Variants in RALGAPA2 observed in about 807,000 individuals in gnomAD.
RALGAPA2 encodes ral GTPase-activating protein subunit alpha-2.
Under a neutral mutation model 230.4 loss-of-function variants are expected in RALGAPA2, and 139 were observed. The observed-to-expected ratio is 0.60, with a 90% CI of 0.53 to 0.69. The LOEUF is 0.69. RALGAPA2 is among the 30% of genes least tolerant of loss of function. The pLI is 0.00. For missense variants in RALGAPA2, 2,163 were observed against 2,276.0 expected, an observed-to-expected ratio of 0.95 and a Z score of 1.01; for synonymous variants, 847 against 837.8, an observed-to-expected ratio of 1.01 and a Z score of -0.19.
intron 3 of RALGAPA2, chr20:20,659,813 A>T: frequency 1.2e-6 from 1 of 844,346 alleles, no homozygotes; most frequent in Admixed American, 1.9e-5. Flanking sequence ...ACAGAACAAG[A>T]CAAGAATCAG....
intron 1 of RALGAPA2, among the ~76,000 whole-genome samples, chr20:20,691,862 A>C (rs1218258993): frequency 6.6e-6 from 1 of 152,120 alleles, no homozygotes; most frequent in Non-Finnish European, 1.5e-5. Context: ...CCAGTATTGG[A>C]GGTGGGGCCT....
intron 36 of RALGAPA2, among the ~76,000 whole-genome samples, chr20:20,484,621 T>G (rs2061861343): frequency 6.6e-6 from 1 of 152,232 alleles, no homozygotes. Flanking sequence ...TAATTGGGCC[T>G]GTAAGTGATT....
chr20:20,538,683 G>A (rs180764013), intron 24 of RALGAPA2, among the ~76,000 whole-genome samples: 9 of 152,250 alleles, frequency 5.9e-5, no homozygotes, highest in African/African-American at 2.2e-4. Context: ...AAGACTTTTT[G>A]AAATGCTTGT....
intron 3 of RALGAPA2, among the ~76,000 whole-genome samples, chr20:20,660,479 T>C (rs543267587): frequency 9.2e-5 from 14 of 152,266 alleles, no homozygotes; most frequent in African/African-American, 2.9e-4. Flanking sequence ...AATATGAGAA[T>C]TGCAGAGTTG....
At position 20,392,390 on chromosome 20, in the gene RALGAPA2, A is replaced by G. The variant is rs2122576273; in HGVS notation, c.*899T>C. ...TGCAGCGTGAGGCTTTTGGAGGCAC[A>G]AGGCCATTCGGGGGGTACCCGTCTC... On this transcript the variant is annotated 3_prime_UTR_variant, in exon 40 of 40. Transcript: ENST00000202677. 1.3e-5 allele frequency: 2 copies of G among 152,390 alleles called. No homozygotes were observed. The highest frequency in any genetic ancestry group is 4.1e-4 in the South Asian group (2 of 4,826). 9.4% of individuals were successfully genotyped at this position (152,390 alleles called of 1,614,324 possible).
intron 37 of RALGAPA2, among the ~76,000 whole-genome samples, chr20:20,439,278 T>C (rs2060683380): frequency 6.6e-6 from 1 of 151,748 alleles, no homozygotes. Flanking sequence ...AGTGGTGTGA[T>C]CTCAACTCAC....
chr20:20,462,546 C>A (rs1303931719), intron 37 of RALGAPA2, among the ~76,000 whole-genome samples: 1 of 152,108 alleles, frequency 6.6e-6, no homozygotes, highest in Non-Finnish European at 1.5e-5. Flanking sequence ...ATCTGAAGCA[C>A]AAAATTCAAA....
At chr20:20,544,320 CAG>C (rs1210967617) in intron 24 of RALGAPA2, among the ~76,000 whole-genome samples, 1 of 141,342 alleles carries the variant, frequency 7.1e-6, no homozygotes, top group Non-Finnish European at 1.5e-5. Context: ...TACTGGGTGA[CAG>C]AGCAAGACTC....
rs914156040 is a variant in RALGAPA2, at chr20:20,605,517, T to C, written c.1801-105A>G. The C allele has an allele frequency of 5.7e-6, 5 of 870,208 alleles. No individual in the cohort carries two copies. In the Admixed American group the frequency reaches 1.2e-4, roughly 20 times the overall value. 53.9% of individuals were successfully genotyped at this position (870,208 alleles called of 1,614,324 possible). ...ACTATTAATAACACAAATTTTAAAA[T>C]AAAAAGTACTTTTGGAAGTTGTTTT... On this transcript the variant is annotated intron_variant, in intron 14 of 39. Coordinates refer to ENST00000202677, the MANE Select transcript of RALGAPA2 (RefSeq NM_020343.4).
At chr20:20,687,958 C>T (rs1334545103) in intron 1 of RALGAPA2, among the ~76,000 whole-genome samples, 5 of 152,156 alleles carry the variant, frequency 3.3e-5, no homozygotes, top group Admixed American at 2.6e-4. Flanking sequence ...TTCCTGACAC[C>T]AGCCAGTATG....
intron 3 of RALGAPA2, among the ~76,000 whole-genome samples, chr20:20,663,935 A>C (rs1283948034): frequency 6.6e-6 from 1 of 152,170 alleles, no homozygotes. Flanking sequence ...GAACACAAGC[A>C]ATGTGATACC....
intron 36 of RALGAPA2, among the ~76,000 whole-genome samples, chr20:20,492,046 T>C (rs1238928374): frequency 1.3e-5 from 2 of 152,164 alleles, no homozygotes; most frequent in African/African-American, 4.8e-5. Flanking sequence ...AAGCGAAATA[T>C]GTTAAATTTC....
At chr20:20,576,596 A>G (rs1017094673) in intron 20 of RALGAPA2, among the ~76,000 whole-genome samples, 1 of 152,078 alleles carries the variant, frequency 6.6e-6, no homozygotes, top group African/African-American at 2.4e-5. Context: ...TTATATGTTT[A>G]TAAGTGAGAT....
intron 37 of RALGAPA2, among the ~76,000 whole-genome samples, chr20:20,469,342 T>A (rs2061490924): frequency 1.3e-5 from 2 of 152,220 alleles, no homozygotes; most frequent in South Asian, 4.1e-4. Flanking sequence ...GGAGTCATTT[T>A]TGAAGATGTG....
chr20:20,484,314 G>A lies in RALGAPA2; in HGVS notation c.5367+10803C>T, dbSNP rs148786028. Among the ~76,000 whole-genome samples, 1,336 of 152,160 alleles carry A rather than the reference G, an allele frequency of 8.8e-3. 21 individuals are homozygous for A. Among genetic ancestry groups the A allele is most frequent in the African/African-American group, 0.031 (1,280 of 41,508 alleles). ...TGTTCAATCCTAAATGTCTTCTTGT[G>A]TGTTCTATGGTTCAGGGTGGGATGT... On this transcript the variant is annotated intron_variant, in intron 36 of 39. Coordinates refer to ENST00000202677, the MANE Select transcript of RALGAPA2 (RefSeq NM_020343.4).
rs1407051826 is a variant in RALGAPA2, at chr20:20,580,943, T to C, written c.2707+2107A>G. Among the ~76,000 whole-genome samples the C allele has an allele frequency of 2.0e-5, 3 of 152,226 alleles. No homozygotes were observed. In the East Asian group the frequency reaches 5.8e-4, roughly 29 times the overall value. On this transcript the variant is annotated intron_variant, in intron 20 of 39. Coordinates refer to ENST00000202677, the MANE Select transcript of RALGAPA2 (RefSeq NM_020343.4). ...TTGCATGTCCTAAAAATCAGGCTCA[T>C]ATGAGTTTTATTTTGAACATTTATG...
chr20:20,621,687 A>T (rs1263471970), intron 10 of RALGAPA2, among the ~76,000 whole-genome samples: 2 of 151,784 alleles, frequency 1.3e-5, no homozygotes, highest in African/African-American at 4.9e-5. Flanking sequence ...ACATCTCCAT[A>T]CAACAATTTT....
intron 23 of RALGAPA2, among the ~76,000 whole-genome samples, chr20:20,569,015 C>G (rs1325089194): frequency 2.0e-5 from 3 of 152,136 alleles, no homozygotes; most frequent in Non-Finnish European, 4.4e-5. Flanking sequence ...TGGTACCAGT[C>G]ACAGGTACAT....
intron 37 of RALGAPA2, among the ~76,000 whole-genome samples, chr20:20,428,463 T>A (rs2060433201): frequency 6.6e-6 from 1 of 152,212 alleles, no homozygotes; most frequent in Admixed American, 6.5e-5. Flanking sequence ...AGCAGCTCCA[T>A]TAAATCAGCA....
Sources: gnomAD v4.1 joint callset for allele counts (sites outside exome capture counted in the v4.1 genomes callset) on GRCh38, gnomAD v4.1.1 for gene constraint, MANE v1.5 for transcripts, NCBI Gene and HGNC (gene_info 2026-07-23, HGNC 2026-07-21) for gene names.